The following CDH4 variants were observed in gnomAD, a reference collection of about 807,000 sequenced individuals.
The protein encoded by CDH4 is cadherin-4.
CDH4 carries 33 observed loss-of-function variants against 86.0 expected under a neutral mutation model. The observed-to-expected ratio is 0.38, with a 90% CI of 0.29 to 0.51. The LOEUF is 0.51. Ranked by LOEUF, CDH4 falls within the 20% of genes least tolerant of loss-of-function variation. The pLI is 0.86. For synonymous variants in CDH4, 555 were observed against 549.4 expected, an observed-to-expected ratio of 1.01 and a Z score of -0.14; for missense variants, 1,114 against 1,307.4, an observed-to-expected ratio of 0.85 and a Z score of 2.28.
At chr20:61,890,099 T>G (rs1984746785) in intron 7 of CDH4, among the ~76,000 whole-genome samples, 1 of 142,916 alleles carries the variant, frequency 7.0e-6, no homozygotes, top group South Asian at 2.3e-4. Context: ...GATGGATGGA[T>G]GCATGGATGG....
In CDH4 at chr20:61,839,377, TTG is replaced by T. The variant is rs376610068; in HGVS notation, c.577-5283_577-5282del. Among the ~76,000 whole-genome samples, 30 of 152,056 alleles carry T rather than the reference TTG, an allele frequency of 2.0e-4. 1 individual carries two copies. The South Asian group carries it at 4.4e-3, about 22-fold the overall frequency. Reference sequence around the variant, plus strand: ...TGTATGTTTGTGTATTGAATGTGTGTTGTGTGTGTATGTGTATTTGTGTTGTG... The same window carrying T: ...TGTATGTTTGTGTATTGAATGTGTGTTGTGTGTATGTGTATTTGTGTTGTG... On this transcript the variant is annotated intron_variant, in intron 4 of 15. Transcript: ENST00000614565.
chr20:61,721,528 T>C (rs1439135796), intron 2 of CDH4, among the ~76,000 whole-genome samples: 1 of 152,244 alleles, frequency 6.6e-6, no homozygotes, highest in East Asian at 1.9e-4. Context: ...GTCATATAAC[T>C]TTTATGCATT....
intron 2 of CDH4, among the ~76,000 whole-genome samples, chr20:61,701,406 C>T (rs573374379): frequency 5.3e-5 from 8 of 152,360 alleles, no homozygotes; most frequent in Non-Finnish European, 8.8e-5. Context: ...AGATTCCCCA[C>T]GGGTGAGTGA....
At chr20:61,541,947 T>G (rs993279141) in intron 2 of CDH4, among the ~76,000 whole-genome samples, 4 of 152,282 alleles carry the variant, frequency 2.6e-5, no homozygotes, top group Admixed American at 2.6e-4. Context: ...GATATGGCTG[T>G]GTGGCCTGGT....
intron 2 of CDH4, among the ~76,000 whole-genome samples, chr20:61,546,055 C>G (rs1401468238): frequency 0.029 from 32 of 1,092 alleles, no homozygotes; most frequent in Non-Finnish European, 0.029. Flanking sequence ...GGAGGGCTGT[C>G]TGTGCATGTG....
chr20:61,708,385 G>A lies in CDH4; in HGVS notation c.170-35178G>A, dbSNP rs967657438. ...TGGGGCACCACCCTCCACTCTCCAC[G>A]TTGGCTGCCTCAGTCTGGGTCACAG... On this transcript the variant is annotated intron_variant, in intron 2 of 15. Transcript: ENST00000614565. This position sits in a 1 kb window ranked among gnomAD's most constrained non-coding sequence, Gnocchi z 4.5. Among the ~76,000 whole-genome samples the A allele has an allele frequency of 6.7e-6, 1 of 150,318 alleles. No individual in the cohort carries two copies. Among genetic ancestry groups the A allele is most frequent in the East Asian group, 2.0e-4 (1 of 5,028 alleles).
At chr20:61,394,003 C>T (rs758333340) in intron 2 of CDH4, among the ~76,000 whole-genome samples, 13 of 152,132 alleles carry the variant, frequency 8.5e-5, no homozygotes, top group Admixed American at 2.6e-4. Flanking sequence ...TCACAGAAGA[C>T]GTATAATACA....
chr20:61,546,098 A>AT (rs2086082039), intron 2 of CDH4, among the ~76,000 whole-genome samples: 2 of 86,300 alleles, frequency 2.3e-5, no homozygotes, highest in Non-Finnish European at 4.6e-5. Flanking sequence ...GTGTGTGTGG[A>AT]GGGGTGTGTG....
intron 7 of CDH4, among the ~76,000 whole-genome samples, chr20:61,882,763 C>T (rs1479573430): frequency 2.0e-5 from 3 of 152,320 alleles, no homozygotes; most frequent in Admixed American, 6.5e-5. Flanking sequence ...AACGTGTCTG[C>T]GGAAGGGCTG....
In CDH4 at chr20:61,321,287, C is replaced by T. The variant is rs987417897; in HGVS notation, c.169+66350C>T. On this transcript the variant is annotated intron_variant, in intron 2 of 15. Transcript: ENST00000614565. Reference sequence around the variant, plus strand: ...GTCTTCTCATTGATCTAGGGAAGAGCGGGTTTCACCTTAGGAGGGCAGAGG... The same window carrying T: ...GTCTTCTCATTGATCTAGGGAAGAGTGGGTTTCACCTTAGGAGGGCAGAGG... 3.9e-5 allele frequency among the ~76,000 whole-genome samples: 6 copies of T among 152,020 alleles called. No homozygotes were observed. In the East Asian group the frequency reaches 7.7e-4, roughly 20 times the overall value.
rs6061795 is a variant in CDH4, at chr20:61,752,727, A to G, written c.396+8938A>G. Among the ~76,000 whole-genome samples, 88 of 152,364 alleles carry G rather than the reference A, an allele frequency of 5.8e-4. 1 individual carries two copies. Among genetic ancestry groups the G allele is most frequent in the African/African-American group, 2.0e-3 (82 of 41,578 alleles). ...AACTGCAGCTAGAAGCAACAAAGCC[A>G]GCGAATCTCACAAACAGACCAAAGA... On this transcript the variant is annotated intron_variant, in intron 3 of 15. Transcript: ENST00000614565.
At chr20:61,903,800 G>T (rs546795071) in intron 8 of CDH4, among the ~76,000 whole-genome samples, 1 of 152,076 alleles carries the variant, frequency 6.6e-6, no homozygotes, top group East Asian at 1.9e-4. Context: ...CCTCAGTTTC[G>T]TTACCTGCAA....
chr20:61,612,657 T>C (rs546451831), intron 2 of CDH4, among the ~76,000 whole-genome samples: 78 of 152,248 alleles, frequency 5.1e-4, no homozygotes, highest in African/African-American at 1.8e-3. Context: ...TTATGGACTT[T>C]CCCGAATGAA....
chr20:61,493,452 TG>T (rs1438340729), intron 2 of CDH4, among the ~76,000 whole-genome samples: 1 of 152,196 alleles, frequency 6.6e-6, no homozygotes. Flanking sequence ...AAAAATAAGT[TG>T]TTAGGAAACA....
chr20:61,895,594 G>C lies in CDH4; in HGVS notation c.1188+547G>C, dbSNP rs1985067175. Reference sequence around the variant, plus strand: ...CACAGGGGACCAAACTCTCTCTGGTGGGAACACGGTGGAGACAGGGCTGTA... The same window carrying C: ...CACAGGGGACCAAACTCTCTCTGGTCGGAACACGGTGGAGACAGGGCTGTA... On this transcript the variant is annotated intron_variant, in intron 8 of 15. Coordinates refer to ENST00000614565, the MANE Select transcript of CDH4 (RefSeq NM_001794.5). Among the ~76,000 whole-genome samples the C allele has an allele frequency of 2.0e-5, 3 of 152,246 alleles. No individual in the cohort carries two copies. In the South Asian group the frequency reaches 6.2e-4, roughly 32 times the overall value.
At chr20:61,616,552 T>G (rs148918993) in intron 2 of CDH4, among the ~76,000 whole-genome samples, 1 of 152,180 alleles carries the variant, frequency 6.6e-6, no homozygotes, top group Non-Finnish European at 1.5e-5. Context: ...TCTCTCCTGC[T>G]CCAGGGAGGG....
At chr20:61,584,387 A>G (rs528987552) in intron 2 of CDH4, among the ~76,000 whole-genome samples, 1 of 152,296 alleles carries the variant, frequency 6.6e-6, no homozygotes, top group South Asian at 2.1e-4. Flanking sequence ...CTCACAAACT[A>G]GAATCCCTGC....
chr20:61,445,335 C>T (rs2085343114), intron 2 of CDH4, among the ~76,000 whole-genome samples: 1 of 152,186 alleles, frequency 6.6e-6, no homozygotes, highest in Non-Finnish European at 1.5e-5. Flanking sequence ...AGTCTGACTC[C>T]GAAGGAAAGG....
chr20:61,832,398 T>C (rs1981665642), intron 4 of CDH4, among the ~76,000 whole-genome samples: 1 of 152,204 alleles, frequency 6.6e-6, no homozygotes, highest in Non-Finnish European at 1.5e-5. Flanking sequence ...GATGAGTAAG[T>C]GAGTGGATGG....
Sources: allele counts gnomAD v4.1 joint callset (sites outside exome capture counted in the v4.1 genomes callset), GRCh38; gene constraint gnomAD v4.1.1; non-coding constraint Gnocchi (gnomAD v3.1); transcripts MANE v1.5; gene names NCBI Gene and HGNC (gene_info 2026-07-23, HGNC 2026-07-21).